TRPS1: variants seen among roughly 807,000 people sequenced by gnomAD.
TRPS1 encodes transcriptional repressor GATA binding 1, also known as zinc finger transcription factor Trps1.
A neutral mutation model predicts 101.2 loss-of-function variants in TRPS1; 6 were observed. The ratio of observed to expected loss-of-function variants is 0.06; its 90% CI spans 0.03 to 0.12. The LOEUF (loss-of-function observed/expected upper bound fraction) is 0.12, where lower values mean the gene tolerates loss of function less well. TRPS1 is among the 10% of genes least tolerant of loss of function. The pLI, the probability that TRPS1 is intolerant of heterozygous loss-of-function variation, is 1.00. For synonymous variants in TRPS1, 578 were observed against 589.8 expected (o/e 0.98, Z 0.29); for missense variants, 1,363 against 1,567.0 (o/e 0.87, Z 2.20).
intron 5 of TRPS1, among the ~76,000 whole-genome samples, chr8:115,529,024 C>A (rs1444761477): frequency 6.6e-6 from 1 of 151,920 alleles, no homozygotes; most frequent in Non-Finnish European, 1.5e-5. Context: ...CTGGCATCAT[C>A]CAGTTAAACA....
rs868101975 is a variant in TRPS1, at chr8:115,447,156, T to C, written c.2701-28704A>G. Among the ~76,000 whole-genome samples the C allele has an allele frequency of 2.0e-5, 3 of 152,300 alleles. No individual in the cohort carries two copies. In the Middle Eastern group the frequency reaches 0.01, roughly 518 times the overall value. On this transcript the variant is annotated intron_variant, in intron 5 of 6. Transcript: ENST00000395715. ...AGTTTGAGAGTCACTTCCAGTCTTTTAGCTCCAGCTGTACTATGGCCTTCT... is the reference window on the plus strand; with the variant it reads ...AGTTTGAGAGTCACTTCCAGTCTTTCAGCTCCAGCTGTACTATGGCCTTCT...
At chr8:115,459,655 T>G (rs937764332) in intron 5 of TRPS1, among the ~76,000 whole-genome samples, 3 of 152,190 alleles carry the variant, frequency 2.0e-5, no homozygotes, top group African/African-American at 7.2e-5. Flanking sequence ...CTGCCTGAAT[T>G]TTTAAATTGT....
intron 4 of TRPS1, among the ~76,000 whole-genome samples, chr8:115,590,776 T>C (rs2737203): frequency 0.7 from 106,210 of 152,070 alleles, 38,489 homozygotes; most frequent in African/African-American, 0.89. Flanking sequence ...AAGTTGTCTC[T>C]TGATATGGTT....
At chr8:115,534,269 T>C (rs113177439) in intron 5 of TRPS1, among the ~76,000 whole-genome samples, 3 of 146,240 alleles carry the variant, frequency 2.1e-5, no homozygotes, top group Admixed American at 6.8e-5. Flanking sequence ...ACACTGGAGA[T>C]TGAAGCTCTA....
intron 5 of TRPS1, among the ~76,000 whole-genome samples, chr8:115,482,843 T>C (rs975726071): frequency 5.3e-5 from 8 of 152,122 alleles, no homozygotes; most frequent in African/African-American, 1.7e-4. Context: ...CCACCTTAAC[T>C]GAAACCAAAA....
intron 5 of TRPS1, among the ~76,000 whole-genome samples, chr8:115,470,340 G>T (rs900469559): frequency 6.6e-6 from 1 of 152,106 alleles, no homozygotes; most frequent in African/African-American, 2.4e-5. Context: ...TTGAAAATAT[G>T]AAATGCTGTT....
intron 4 of TRPS1, among the ~76,000 whole-genome samples, chr8:115,597,643 A>C (rs1389170147): frequency 5.9e-5 from 9 of 152,090 alleles, no homozygotes; most frequent in African/African-American, 9.7e-5. Context: ...ACTTTTAATA[A>C]GGAATTTTCC....
At chr8:115,655,024 TATGA>T (rs1249191483) in intron 1 of TRPS1, among the ~76,000 whole-genome samples, 16 of 152,312 alleles carry the variant, frequency 1.1e-4, no homozygotes, top group African/African-American at 3.8e-4. Context: ...GTGTTTCACA[TATGA>T]ATGAGGATGG....
intron 1 of TRPS1, chr8:115,637,150 G>A (rs945219824): frequency 2.3e-5 from 15 of 652,410 alleles, no homozygotes; most frequent in Non-Finnish European, 2.5e-5. Flanking sequence ...CAGCAAACAG[G>A]AGTAAGAGAA....
In TRPS1 at chr8:115,568,331, C is replaced by T. The variant is rs990765103; in HGVS notation, c.2700+18670G>A. Reference sequence around the variant, plus strand: ...GATATTTTATCTTTCTTAATGCTTACATGACTCTAAACTCTCACAATTTTA... The same window carrying T: ...GATATTTTATCTTTCTTAATGCTTATATGACTCTAAACTCTCACAATTTTA... On this transcript the variant is annotated intron_variant, in intron 5 of 6. Transcript: ENST00000395715. Among the ~76,000 whole-genome samples the T allele has an allele frequency of 7.0e-4, 106 of 152,074 alleles. 1 individual carries two copies. Among genetic ancestry groups the T allele is most frequent in the Non-Finnish European group, 1.8e-4 (12 of 68,004 alleles).
rs1249545779 is a variant in TRPS1, at chr8:115,578,657, A to G, written c.2700+8344T>C. Among the ~76,000 whole-genome samples, 6 of 152,198 alleles carry G rather than the reference A, an allele frequency of 3.9e-5. No individual in the cohort carries two copies. In the East Asian group the frequency reaches 1.2e-3, roughly 29 times the overall value. On this transcript the variant is annotated intron_variant, in intron 5 of 6. Transcript: ENST00000395715. ...AAAGAAAATTATAAAACAGGGAGGT[A>G]CATGATCCTATACTTGAATAAAATA...
intron 4 of TRPS1, among the ~76,000 whole-genome samples, chr8:115,599,059 A>G (rs1408345393): frequency 6.6e-6 from 1 of 151,958 alleles, no homozygotes; most frequent in Non-Finnish European, 1.5e-5. Context: ...CTGATTACCT[A>G]CTCTCTATTC....
intron 3 of TRPS1, among the ~76,000 whole-genome samples, chr8:115,606,322 T>C (rs1413414986): frequency 6.6e-6 from 1 of 152,190 alleles, no homozygotes; most frequent in Non-Finnish European, 1.5e-5. Flanking sequence ...TTACTTAATC[T>C]CTCTGGCCAA....
chr8:115,651,268 C>T (rs1358507060), intron 1 of TRPS1, among the ~76,000 whole-genome samples: 1 of 152,164 alleles, frequency 6.6e-6, no homozygotes, highest in African/African-American at 2.4e-5. Context: ...TGTCCCACTT[C>T]GCTAAATGAC....
chr8:115,479,072 A>T (rs1179732683), intron 5 of TRPS1, among the ~76,000 whole-genome samples: 1 of 151,804 alleles, frequency 6.6e-6, no homozygotes, highest in Admixed American at 6.6e-5. Flanking sequence ...TGGGGGGAAA[A>T]ATAATAAATC....
intron 5 of TRPS1, among the ~76,000 whole-genome samples, chr8:115,431,931 T>C (rs1243447512): frequency 1.3e-5 from 2 of 151,898 alleles, no homozygotes; most frequent in Non-Finnish European, 2.9e-5. Flanking sequence ...TATAAATATA[T>C]ATGCATGCAT....
intron 5 of TRPS1, among the ~76,000 whole-genome samples, chr8:115,516,737 T>G (rs1815721022): frequency 1.3e-5 from 2 of 151,484 alleles, no homozygotes; most frequent in African/African-American, 4.8e-5. Context: ...CATTTTGGAG[T>G]GCAGGAAGCA....
At chr8:115,631,254 G>C (rs945071612) in intron 1 of TRPS1, among the ~76,000 whole-genome samples, 3 of 151,914 alleles carry the variant, frequency 2.0e-5, no homozygotes, top group African/African-American at 7.3e-5. Context: ...TTATGTTTTA[G>C]GCTACCCCTC....
At chr8:115,448,058 A>T (rs1300899134) in intron 5 of TRPS1, among the ~76,000 whole-genome samples, 1 of 152,208 alleles carries the variant, frequency 6.6e-6, no homozygotes, top group Non-Finnish European at 1.5e-5. Context: ...TTCACATACC[A>T]AAGAAGATAT....
Sources: allele counts gnomAD v4.1 joint callset (sites outside exome capture counted in the v4.1 genomes callset), GRCh38; gene constraint gnomAD v4.1.1; transcripts MANE v1.5; gene names NCBI Gene and HGNC (gene_info 2026-07-23, HGNC 2026-07-21).